The following CCDC178 variants were observed in gnomAD, a reference collection of about 807,000 sequenced individuals.
CCDC178 encodes the protein coiled-coil domain-containing protein 178.
CCDC178 carries 126 observed loss-of-function variants against 117.4 expected under a neutral mutation model. That is an observed-to-expected ratio of 1.07 (90% CI 0.93 to 1.24). The LOEUF is 1.24. Among genes scored for constraint, CCDC178 ranks in the 50% most tolerant of loss-of-function variants. CCDC178 has a pLI of 0.00. For synonymous variants in CCDC178, 283 were observed against 313.4 expected, an observed-to-expected ratio of 0.90 and a Z score of 1.02; for missense variants, 1,030 against 986.9, an observed-to-expected ratio of 1.04 and a Z score of -0.59.
intron 20 of CCDC178, among the ~76,000 whole-genome samples, chr18:33,210,748 A>T (rs2059097010): frequency 6.6e-6 from 1 of 152,064 alleles, no homozygotes; most frequent in African/African-American, 2.4e-5. Flanking sequence ...CGGTTTCAGC[A>T]ACTGCTCTAA....
chr18:33,191,463 T>G (rs1178588471), intron 20 of CCDC178, among the ~76,000 whole-genome samples: 1 of 152,152 alleles, frequency 6.6e-6, no homozygotes, highest in Non-Finnish European at 1.5e-5. Flanking sequence ...AATAATTTGC[T>G]GCCTATTTTC....
At chr18:33,333,484 T>G (rs1199216508) in intron 9 of CCDC178, 90 bp from the exon 10 acceptor site, 2 of 549,214 alleles carry the variant, frequency 3.6e-6, no homozygotes, top group African/African-American at 2.0e-5. Flanking sequence ...TTTCAGAAAT[T>G]CCTTATTTGT....
At chr18:33,121,990 GCTATACCATACA>G (rs1381346369) in intron 20 of CCDC178, among the ~76,000 whole-genome samples, 1 of 152,030 alleles carries the variant, frequency 6.6e-6, no homozygotes, top group Non-Finnish European at 1.5e-5. Context: ...GAAGCAATAG[GCTATACCATACA>G]CTAGGTGTGT....
intron 21 of CCDC178, among the ~76,000 whole-genome samples, chr18:33,028,083 T>C (rs1654958487): frequency 6.6e-6 from 1 of 151,638 alleles, no homozygotes; most frequent in African/African-American, 2.4e-5. Flanking sequence ...TTAAAGAACT[T>C]AGTGAAAGAA....
chr18:33,425,060 T>C (rs1325997976), intron 2 of CCDC178, among the ~76,000 whole-genome samples: 2 of 152,166 alleles, frequency 1.3e-5, no homozygotes, highest in African/African-American at 4.8e-5. Context: ...TATATACGTA[T>C]GTAACAAACC....
At chr18:33,256,497 A>G (rs1383503533) in intron 14 of CCDC178, among the ~76,000 whole-genome samples, 2 of 152,086 alleles carry the variant, frequency 1.3e-5, no homozygotes, top group East Asian at 3.9e-4. Flanking sequence ...AAAGCATGCC[A>G]GGCCTTTAAT....
chr18:33,402,440 C>T (rs116573256), intron 3 of CCDC178, among the ~76,000 whole-genome samples: 3 of 152,220 alleles, frequency 2.0e-5, no homozygotes, highest in South Asian at 2.1e-4. Flanking sequence ...TTTACGATAT[C>T]GGAGGAGGAA....
intron 12 of CCDC178, among the ~76,000 whole-genome samples, chr18:33,275,008 A>T (rs1274498883): frequency 1.3e-5 from 2 of 152,108 alleles, no homozygotes; most frequent in Non-Finnish European, 2.9e-5. Context: ...TAATAAATGT[A>T]CAACTTCAAA....
At chr18:33,122,936 C>T (rs2057956595) in intron 20 of CCDC178, among the ~76,000 whole-genome samples, 1 of 152,082 alleles carries the variant, frequency 6.6e-6, no homozygotes, top group East Asian at 1.9e-4. Flanking sequence ...GAAATAGCTC[C>T]CATTTTATGT....
intron 22 of CCDC178, among the ~76,000 whole-genome samples, chr18:32,951,573 C>T (rs2054484379): frequency 6.6e-6 from 1 of 152,198 alleles, no homozygotes; most frequent in South Asian, 2.1e-4. Context: ...GGTCTCACAA[C>T]ACATGAAGAC....
At chr18:33,435,305 T>C (rs2064273651) in intron 2 of CCDC178, among the ~76,000 whole-genome samples, 1 of 152,190 alleles carries the variant, frequency 6.6e-6, no homozygotes, top group Admixed American at 6.5e-5. Flanking sequence ...AACTACTCAA[T>C]AGTCACATGT....
intron 21 of CCDC178, among the ~76,000 whole-genome samples, chr18:33,009,382 C>T (rs1322030974): frequency 6.6e-6 from 1 of 151,946 alleles, no homozygotes; most frequent in Non-Finnish European, 1.5e-5. Flanking sequence ...ATAATATATC[C>T]CTTCATTATT....
chr18:33,227,048 G>GA (rs1445818174), intron 15 of CCDC178, among the ~76,000 whole-genome samples, 193 bp from the exon 16 acceptor site: 1 of 151,972 alleles, frequency 6.6e-6, no homozygotes, highest in Non-Finnish European at 1.5e-5. Flanking sequence ...ACAGCACCAG[G>GA]AATTAGACTA....
intron 12 of CCDC178, among the ~76,000 whole-genome samples, chr18:33,283,770 G>A (rs1037551323): frequency 6.6e-6 from 1 of 152,192 alleles, no homozygotes; most frequent in East Asian, 1.9e-4. Context: ...ATGCTGGTGA[G>A]ATTGTGGAGA....
intron 20 of CCDC178, among the ~76,000 whole-genome samples, chr18:33,182,019 G>T (rs1189891077): frequency 1.3e-5 from 2 of 151,614 alleles, no homozygotes; most frequent in African/African-American, 2.4e-5. Flanking sequence ...ATATATAAAA[G>T]AAATTTTTAC....
rs192880400 is a variant in CCDC178, at chr18:33,044,497, C to T, written c.2388+48264G>A. ...CTCCATCTTACACCAGTCAGAATGA[C>T]TATTATTAAAAAAACAAACAAACAA... On this transcript the variant is annotated intron_variant, in intron 21 of 22. Transcript: ENST00000383096. 6.8e-3 allele frequency among the ~76,000 whole-genome samples: 1,026 copies of T among 151,458 alleles called. 5 individuals carry two copies. Among genetic ancestry groups the T allele is most frequent in the Admixed American group, 0.022 (337 of 15,200 alleles).
chr18:33,276,708 C>T (rs529265066), intron 12 of CCDC178, among the ~76,000 whole-genome samples: 1 of 152,060 alleles, frequency 6.6e-6, no homozygotes, highest in South Asian at 2.1e-4. Flanking sequence ...TGACCTAAGG[C>T]TTAATGGTGA....
At chr18:33,040,152 C>T (rs985075857) in intron 21 of CCDC178, among the ~76,000 whole-genome samples, 2 of 151,772 alleles carry the variant, frequency 1.3e-5, no homozygotes, top group Non-Finnish European at 2.9e-5. Flanking sequence ...AAAGAATAAA[C>T]AAACAGTAGG....
intron 2 of CCDC178, among the ~76,000 whole-genome samples, chr18:33,439,278 A>G (rs2064341226): frequency 6.6e-6 from 1 of 152,202 alleles, no homozygotes; most frequent in African/African-American, 2.4e-5. Flanking sequence ...AGGAAGAAAA[A>G]TTCTGAGGAT....
Sources: allele counts gnomAD v4.1 joint callset (sites outside exome capture counted in the v4.1 genomes callset), GRCh38; gene constraint gnomAD v4.1.1; transcripts MANE v1.5; gene names NCBI Gene and HGNC (gene_info 2026-07-23, HGNC 2026-07-21).